Variants in PIH1D1 observed in about 807,000 individuals in gnomAD.
The protein encoded by PIH1D1 is PIH1 domain-containing protein 1.
In PIH1D1, 28 loss-of-function variants were observed where a neutral mutation model predicts 38.5. The observed-to-expected ratio is 0.73, with a 90% CI of 0.54 to 1.00. PIH1D1 has a LOEUF of 1.00. Ranked by LOEUF, PIH1D1 falls within the 50% of genes least tolerant of loss-of-function variation. The pLI is 0.00. For missense variants in PIH1D1, 343 were observed against 369.9 expected (o/e 0.93, Z 0.60); for synonymous variants, 155 against 153.5 (o/e 1.01, Z -0.07).
chr19:49,451,019 CCA>C, intron 1 of PIH1D1, 171 bp from the exon 2 acceptor site: 1 of 1,187,070 alleles, frequency 8.4e-7, no homozygotes, highest in African/African-American at 1.6e-5. Context: ...AACCCCATTC[CCA>C]TTTCTTTTTT....
chr19:49,449,355 C>G, intron 3 of PIH1D1, 120 bp downstream of exon 3: 5 of 915,838 alleles, frequency 5.5e-6, no homozygotes, highest in Non-Finnish European at 8.8e-6. Context: ...GGAAAAGAAT[C>G]AGATCGAGGG....
At chr19:49,451,388 T>A (rs766396739) in intron 1 of PIH1D1, 97 bp downstream of exon 1, 4 of 1,550,068 alleles carry the variant, frequency 2.6e-6, no homozygotes, top group Non-Finnish European at 3.5e-6. Flanking sequence ...CGAGGCCTGG[T>A]TCCCGCCTTA....
intron 1 of PIH1D1, among the ~76,000 whole-genome samples, chr19:49,451,131 G>A (rs898916910): frequency 6.8e-6 from 1 of 146,512 alleles, no homozygotes; most frequent in Non-Finnish European, 1.5e-5. Flanking sequence ...CCGGGTTCAC[G>A]CCATTCTCCT....
At position 49,451,570 on chromosome 19, in the gene PIH1D1, G is replaced by C. The variant is rs1417219312; in HGVS notation, c.5C>G (p.Ala2Gly). 2 of 1,612,912 alleles carry C rather than the reference G, an allele frequency of 1.2e-6. No individual in the cohort carries two copies. The highest frequency in any genetic ancestry group is 1.3e-5 in the African/African-American group (1 of 74,852). Residue 2 changes from alanine (A) to glycine (G), a missense_variant, in exon 1 of 9, where the codon GCG becomes GGG. Ala to Gly is a moderately conservative substitution (Grantham distance 60, BLOSUM62 0). Transcript: ENST00000262265. ...CCCCATTCCCAGCAGCTTCGGGTTC[G>C]CCATGGCCCTGGGAAAGAGATCTAG... M[A>G]NPKLLGMGLS...
Position 49,449,575 on chromosome 19 carries a change from G to C in PIH1D1, c.237C>G (p.Ala79=). The C allele has an allele frequency of 6.2e-7, 1 of 1,614,082 alleles. No individual in the cohort carries two copies. Among genetic ancestry groups the C allele is most frequent in the Non-Finnish European group, 8.5e-7 (1 of 1,179,988 alleles). The change falls in exon 3 of 9, where the codon GCC becomes GCG. Residue 79 remains alanine, a synonymous_variant. Coordinates refer to ENST00000262265, the MANE Select transcript of PIH1D1 (RefSeq NM_017916.3). ...GAAGCAGCTCCTCCTCGGTCACGTC[G>C]GCGGGAGGAGGGATAGAGGGGGAGT... ...ICHSPSIPPP[A]DVTEEELLQM...
chr19:49,451,805 A>C lies in PIH1D1; in HGVS notation c.-231T>G. 1 of 1,296,038 alleles carries C rather than the reference A, an allele frequency of 7.7e-7. No homozygotes were observed. Among genetic ancestry groups the C allele is most frequent in the Non-Finnish European group, 1.0e-6 (1 of 994,442 alleles). 80.3% of individuals were successfully genotyped at this position (1,296,038 alleles called of 1,614,324 possible). A position where few individuals can be genotyped will look rare whatever the true frequency, so the allele number is the denominator to read the frequency against. On this transcript the variant is annotated 5_prime_UTR_variant, in exon 1 of 9. Coordinates refer to ENST00000262265, the MANE Select transcript of PIH1D1 (RefSeq NM_017916.3). ...GCACTACCCTCCGTCCTACGTGCCG[A>C]ACTGTAAACGAAGCCACACTTCCGG...
rs139252609 is a variant in PIH1D1, at chr19:49,448,674, T to A, written c.338-612A>T. On this transcript the variant is annotated intron_variant, in intron 3 of 8. Transcript: ENST00000262265. ...CAAAGCAGCGTGAATCACACCCTATTGATACTGCATCCATCTCCTTGAGCC... is the reference window on the plus strand; with the variant it reads ...CAAAGCAGCGTGAATCACACCCTATAGATACTGCATCCATCTCCTTGAGCC... The A allele has an allele frequency of 5.3e-3, 897 of 168,100 alleles. 6 individuals are homozygous for A. Among genetic ancestry groups the A allele is most frequent in the Middle Eastern group, 0.031 (10 of 322 alleles). The allele number at this position is 168,100 out of a possible 1,614,324, so 10.4% of individuals were successfully genotyped here. A position where few individuals can be genotyped will look rare whatever the true frequency, so the allele number is the denominator to read the frequency against.
At position 49,450,897 on chromosome 19, in the gene PIH1D1, C is replaced by T. The variant is rs912578012; in HGVS notation, c.91-49G>A. ...AGGCTCGGAGTCTGTGCCATCAGAC[C>T]CCTCATTTGTTCCTCAAATGGAGCA... On this transcript the variant is annotated intron_variant, in intron 1 of 8. Coordinates refer to ENST00000262265, the MANE Select transcript of PIH1D1 (RefSeq NM_017916.3). The T allele has an allele frequency of 3.7e-6, 6 of 1,612,898 alleles. No homozygotes were observed. In the African/African-American group the frequency reaches 8.0e-5, roughly 22 times the overall value.
chr19:49,446,920 C>T (rs1239325666), intron 7 of PIH1D1, 104 bp downstream of exon 7: 7 of 1,174,120 alleles, frequency 6.0e-6, no homozygotes, highest in Non-Finnish European at 8.9e-6. Flanking sequence ...AGAGAGGACG[C>T]AACTGACAAG....
rs2079034195 is a variant in PIH1D1, at chr19:49,447,865, T to A, written c.443A>T (p.Glu148Val). Residue 148 changes from glutamate (E) to valine (V), a missense_variant, in exon 5 of 9, where the codon GAG becomes GTG. Transcript: ENST00000262265. Reference protein sequence around the residue: ...LRELVITIAREGLEDKYNLQL... With the variant: ...LRELVITIARVGLEDKYNLQL... ...CAAGTTGTATTTGTCCTCAAGGCCC[T>A]CCCTGGCGATGGTGATCACGAGCTC... 8 of 1,614,016 alleles carry A rather than the reference T, an allele frequency of 5.0e-6. No homozygotes were observed. The highest frequency in any genetic ancestry group is 1.3e-5 in the African/African-American group (1 of 74,906).
chr19:49,447,417 T>C lies in PIH1D1; in HGVS notation c.532A>G (p.Asn178Asp), dbSNP rs1568640254. 1 of 1,612,964 alleles carries C rather than the reference T, an allele frequency of 6.2e-7. No homozygotes were observed. The highest frequency in any genetic ancestry group is 1.7e-5 in the Admixed American group (1 of 60,012). Residue 178 changes from asparagine to aspartate, a missense_variant, in exon 6 of 9, where the codon AAC becomes GAC. By Grantham distance (23) the Asn-to-Asp change is conservative. Transcript: ENST00000262265. Reference sequence around the variant, plus strand: ...CGAGGACGCTGCTCCGAGCGGATGTTCTGCTGCGAGATGGAGCCCATGAAT... The same window carrying C: ...CGAGGACGCTGCTCCGAGCGGATGTCCTGCTGCGAGATGGAGCCCATGAAT... The part of the protein sequence containing the change: ...RPFMGSISQQ[N>D]IRSEQRPRIQ...
intron 4 of PIH1D1, 26 bp from the exon 5 acceptor site, chr19:49,447,934 A>T: frequency 6.2e-7 from 1 of 1,613,926 alleles, no homozygotes; most frequent in Non-Finnish European, 8.5e-7. Context: ...GGGAAAAGAC[A>T]GGCGGTGGCG....
At chr19:49,448,510 C>G (rs146207124) in intron 3 of PIH1D1, 262 of 202,522 alleles carry the variant, frequency 1.3e-3, no homozygotes, top group African/African-American at 5.7e-3. Context: ...GCCGCTCTAC[C>G]TAGAACCTTC....
intron 1 of PIH1D1, 49 bp downstream of exon 1, chr19:49,451,436 C>T (rs1367622724): frequency 6.2e-7 from 1 of 1,610,026 alleles, no homozygotes; most frequent in South Asian, 1.1e-5. Context: ...TTTGAGCACC[C>T]CGCCAAAATC....
At position 49,446,648 on chromosome 19, in the gene PIH1D1, A is replaced by G. The variant is rs770648384; in HGVS notation, c.734T>C (p.Val245Ala). ...LSLEIGENRL[V>A]MGGPQQLYHL... Reference sequence around the variant, plus strand: ...ATACAGCTGCTGGGGGCCCCCCATCACCAGGCGGTTCTCCCCGATCTCCAG... The same window carrying G: ...ATACAGCTGCTGGGGGCCCCCCATCGCCAGGCGGTTCTCCCCGATCTCCAG... Residue 245 changes from valine to alanine, a missense_variant, in exon 8 of 9, where the codon GTG becomes GCG. Val to Ala is a moderately conservative substitution (Grantham distance 64). Coordinates refer to ENST00000262265, the MANE Select transcript of PIH1D1 (RefSeq NM_017916.3). 3.1e-6 allele frequency: 5 copies of G among 1,600,414 alleles called. No individual in the cohort carries two copies. The highest frequency in any genetic ancestry group is 4.3e-6 in the Non-Finnish European group (5 of 1,172,938).
intron 2 of PIH1D1, 140 bp from the exon 3 acceptor site, chr19:49,449,794 CTTTTTT>C (rs61447252): frequency 0.29 from 145,486 of 495,786 alleles, 11,513 homozygotes; most frequent in African/African-American, 0.4. Flanking sequence ...CCTCACTTCT[CTTTTTT>C]TTTTTTTTTT....
chr19:49,450,746 G>A, intron 2 of PIH1D1, 36 bp downstream of exon 2: 1 of 1,573,526 alleles, frequency 6.4e-7, no homozygotes. Flanking sequence ...CTCTCCCTGG[G>A]TCTCCTGTCC....
In PIH1D1 at chr19:49,449,668, G is replaced by A. The variant is rs779069214; in HGVS notation, c.158-14C>T. 3.1e-6 allele frequency: 5 copies of A among 1,609,176 alleles called. No individual in the cohort carries two copies. Among genetic ancestry groups the A allele is most frequent in the Non-Finnish European group, 3.4e-6 (4 of 1,176,700 alleles). ...TTATGCAGAAACCTGGTGGGAGTGG[G>A]TTAGTCATGACAATCCTTTTCTGCA... On this transcript the variant is annotated splice_polypyrimidine_tract_variant and intron_variant, in intron 2 of 8. Coordinates refer to ENST00000262265, the MANE Select transcript of PIH1D1 (RefSeq NM_017916.3).
Sources: allele counts gnomAD v4.1 joint callset (sites outside exome capture counted in the v4.1 genomes callset), GRCh38; gene constraint gnomAD v4.1.1; transcripts MANE v1.5; gene names NCBI Gene and HGNC (gene_info 2026-07-23, HGNC 2026-07-21).